The following ANKRD6 variants were observed in gnomAD, a reference collection of about 807,000 sequenced individuals.
The protein encoded by ANKRD6 is ankyrin repeat domain-containing protein 6.
A neutral mutation model predicts 82.3 loss-of-function variants in ANKRD6; 56 were observed. That is an observed-to-expected ratio of 0.68 (90% confidence interval 0.55 to 0.85). The LOEUF (loss-of-function observed/expected upper bound fraction) is 0.85, where lower values mean the gene tolerates loss of function less well. Ranked by LOEUF, ANKRD6 falls within the 40% of genes least tolerant of loss-of-function variation. ANKRD6 has a pLI of 0.00. For synonymous variants in ANKRD6, 347 were observed against 352.1 expected (o/e 0.99, Z 0.16); for missense variants, 852 against 907.6 (o/e 0.94, Z 0.79).
At chr6:89,517,394 G>A (rs1029155469) in intron 1 of ANKRD6, among the ~76,000 whole-genome samples, 12 of 152,174 alleles carry the variant, frequency 7.9e-5, no homozygotes, top group Non-Finnish European at 1.3e-4. Context: ...TTAATACATT[G>A]TGAAAAGGCA....
Position 89,527,686 on chromosome 6 carries a change from T to C in ANKRD6, c.-143-39148T>C, listed in dbSNP as rs190756446. ...TTCTAATGATCATTTAAGCCTTCAG[T>C]GAATTGCAATCTTTTTGCTGGTGGA... On this transcript the variant is annotated intron_variant, in intron 1 of 15. Transcript: ENST00000339746. Among the ~76,000 whole-genome samples, 291 of 150,064 alleles carry C rather than the reference T, an allele frequency of 1.9e-3. 1 individual carries two copies. The highest frequency in any genetic ancestry group is 6.8e-3 in the African/African-American group (278 of 40,892).
At chr6:89,511,233 G>T (rs1780512307) in intron 1 of ANKRD6, among the ~76,000 whole-genome samples, 1 of 152,182 alleles carries the variant, frequency 6.6e-6, no homozygotes, top group African/African-American at 2.4e-5. Flanking sequence ...TCTCCTCTCA[G>T]GTTCCTGGCT....
intron 1 of ANKRD6, among the ~76,000 whole-genome samples, chr6:89,514,387 A>AT (rs1780949643): frequency 1.3e-5 from 2 of 151,806 alleles, no homozygotes; most frequent in African/African-American, 2.4e-5. Context: ...CAAAAAAAAA[A>AT]ATTTTTTTGG....
rs575935830 is a variant in ANKRD6, at chr6:89,616,245, C to T, written c.616-314C>T. 3.9e-5 allele frequency among the ~76,000 whole-genome samples: 6 copies of T among 152,346 alleles called. No homozygotes were observed. The East Asian group carries it at 9.6e-4, about 24-fold the overall frequency. The stretch of plus-strand genomic sequence containing the variant: ...GCCTGCCCCAGGCCTCCTGCCTGTC[C>T]TCCTGTCCTCGTGAGGCTTCAGGTC... On this transcript the variant is annotated intron_variant, in intron 7 of 15. Coordinates refer to ENST00000339746, the MANE Select transcript of ANKRD6 (RefSeq NM_001242809.2).
intron 1 of ANKRD6, among the ~76,000 whole-genome samples, chr6:89,545,469 A>C (rs924960090): frequency 1.3e-5 from 2 of 152,216 alleles, no homozygotes; most frequent in Non-Finnish European, 2.9e-5. Context: ...TCATAGCAGC[A>C]GTAGCTGAGA....
At chr6:89,449,815 T>G (rs1299885147) in intron 1 of ANKRD6, among the ~76,000 whole-genome samples, 1 of 152,160 alleles carries the variant, frequency 6.6e-6, no homozygotes, top group East Asian at 1.9e-4. Context: ...CTTTTCTAAC[T>G]CCCGAAAAAA....
chr6:89,616,684 T>C, intron 8 of ANKRD6, 27 bp downstream of exon 8: 1 of 1,609,610 alleles, frequency 6.2e-7, no homozygotes, highest in Non-Finnish European at 8.5e-7. Context: ...CATTGCTTTC[T>C]AAAGTGGTTC....
chr6:89,544,662 C>T (rs545556353), intron 1 of ANKRD6, among the ~76,000 whole-genome samples: 5 of 152,002 alleles, frequency 3.3e-5, no homozygotes, highest in Admixed American at 2.0e-4. Flanking sequence ...TGCAGTGAGC[C>T]AAGATTGTGC....
intron 1 of ANKRD6, among the ~76,000 whole-genome samples, chr6:89,464,690 G>T (rs548268146): frequency 8.5e-5 from 13 of 152,226 alleles, no homozygotes; most frequent in Admixed American, 1.3e-4. Context: ...TTTCTATTTG[G>T]AAGTAAAATG....
chr6:89,603,425 A>C (rs1797726241), intron 4 of ANKRD6, among the ~76,000 whole-genome samples: 1 of 149,454 alleles, frequency 6.7e-6, no homozygotes, highest in South Asian at 2.1e-4. Context: ...TCCTGGGCTC[A>C]AGTGCTCCTC....
intron 1 of ANKRD6, among the ~76,000 whole-genome samples, chr6:89,560,687 A>G (rs1235943432): frequency 2.6e-5 from 4 of 152,046 alleles, no homozygotes; most frequent in South Asian, 2.1e-4. Context: ...GCCGGGCATC[A>G]TGGTAGTCGT....
intron 1 of ANKRD6, among the ~76,000 whole-genome samples, chr6:89,483,753 G>C (rs1419952393): frequency 6.6e-6 from 1 of 152,168 alleles, no homozygotes; most frequent in Admixed American, 6.5e-5. Context: ...TGTAAGGAGA[G>C]AAACAGAGAG....
intron 2 of ANKRD6, among the ~76,000 whole-genome samples, chr6:89,574,335 A>G (rs1302482115): frequency 6.6e-6 from 1 of 152,158 alleles, no homozygotes; most frequent in East Asian, 1.9e-4. Context: ...GTCTCTGGAC[A>G]CTGACAGACA....
intron 5 of ANKRD6, among the ~76,000 whole-genome samples, chr6:89,611,747 G>A (rs1338561689): frequency 2.0e-5 from 3 of 152,242 alleles, no homozygotes; most frequent in African/African-American, 7.2e-5. Context: ...CTTGAAAAAG[G>A]CTAACAAGTT....
At chr6:89,464,030 A>T (rs761482891) in intron 1 of ANKRD6, among the ~76,000 whole-genome samples, 4 of 152,198 alleles carry the variant, frequency 2.6e-5, no homozygotes, top group Admixed American at 6.5e-5. Context: ...TCTCTAATTT[A>T]TCAGGTGTAA....
At chr6:89,618,053 A>G (rs1381946945) in intron 9 of ANKRD6, 22 bp downstream of exon 9, 2 of 1,612,830 alleles carry the variant, frequency 1.2e-6, no homozygotes, top group East Asian at 2.2e-5. Flanking sequence ...TGCCCTTTCC[A>G]TGGTACTGAT....
intron 4 of ANKRD6, among the ~76,000 whole-genome samples, chr6:89,604,369 C>T (rs1352663579): frequency 6.6e-6 from 1 of 151,022 alleles, no homozygotes; most frequent in Non-Finnish European, 1.5e-5. Context: ...TTTAAGGAAT[C>T]CTAATGACTT....
chr6:89,606,168 C>T (rs761893819), intron 5 of ANKRD6, 63 bp downstream of exon 5: 4 of 1,307,476 alleles, frequency 3.1e-6, no homozygotes, highest in East Asian at 2.6e-5. Context: ...GGTTTCTCCC[C>T]CTGTGGGAGC....
chr6:89,622,486 G>A (rs921912632), intron 10 of ANKRD6, among the ~76,000 whole-genome samples: 3 of 152,214 alleles, frequency 2.0e-5, no homozygotes, highest in African/African-American at 7.2e-5. Context: ...GTTGGAACAA[G>A]CCCTCCAGGG....
Sources: gnomAD v4.1 joint callset for allele counts (sites outside exome capture counted in the v4.1 genomes callset) on GRCh38, gnomAD v4.1.1 for gene constraint, MANE v1.5 for transcripts, NCBI Gene and HGNC (gene_info 2026-07-23, HGNC 2026-07-21) for gene names.